Variants in CHEK1 observed in about 807,000 individuals in gnomAD.
CHEK1 encodes the protein checkpoint kinase 1.
A neutral mutation model predicts 60.2 loss-of-function variants in CHEK1; 32 were observed. That is an observed-to-expected ratio of 0.53 (90% confidence interval 0.40 to 0.71). CHEK1 has a LOEUF of 0.71. CHEK1 is among the 30% of genes least tolerant of loss of function. The pLI, the probability that CHEK1 is intolerant of heterozygous loss-of-function variation, is 0.00. For missense variants in CHEK1, 399 were observed against 564.6 expected (o/e 0.71, Z 2.97); for synonymous variants, 179 against 187.2 (o/e 0.96, Z 0.36).
chr11:125,652,591 G>T (rs1941777479), intron 11 of CHEK1, among the ~76,000 whole-genome samples: 1 of 152,194 alleles, frequency 6.6e-6, no homozygotes, highest in East Asian at 1.9e-4. Flanking sequence ...TGATAGATTG[G>T]GTTGGGGACA....
At position 125,627,720 on chromosome 11, in the gene CHEK1, A is replaced by G; in HGVS notation, c.179A>G (p.Lys60Arg). The change falls in exon 3 of 13, where the codon AAA (lysine) becomes AGA (arginine). Residue 60 changes from lysine to arginine, a missense_variant. By Grantham distance (26) the Lys-to-Arg change is conservative. Around this residue, in one of 2 missense-constraint regions of CHEK1, gnomAD observed 370 missense variants for 494.8 expected, o/e 0.75. Transcript: ENST00000438015. The part of the protein sequence containing the change: ...ENIKKEICIN[K>R]MLNHENVVKF... ...ATTAAGAAAGAGATCTGTATCAATA[A>G]AATGCTAAATCATGAAAATGTAGTA... The G allele has an allele frequency of 6.2e-7, 1 of 1,613,868 alleles. No homozygotes were observed. Among genetic ancestry groups the G allele is most frequent in the South Asian group, 1.1e-5 (1 of 91,070 alleles).
At chr11:125,657,899 G>A (rs1941948568), downstream of CHEK1, among the ~76,000 whole-genome samples, 1 of 134,668 alleles carries the variant, frequency 7.4e-6, no homozygotes, top group East Asian at 2.4e-4. Context: ...TTTCTAAAGT[G>A]ATTGTACAGA....
intron 11 of CHEK1, among the ~76,000 whole-genome samples, chr11:125,649,126 T>C (rs1440569630): frequency 1.3e-5 from 2 of 152,184 alleles, no homozygotes; most frequent in African/African-American, 4.8e-5. Flanking sequence ...TTCATCAGTC[T>C]GTTTATTTTG....
chr11:125,653,900 T>C lies in CHEK1; in HGVS notation c.1335+53T>C. ...CTATGGAAATATTTCTATATGAATT[T>C]TTTTAATGGCATTATGTTTGTATAT... On this transcript the variant is annotated intron_variant, in intron 12 of 12. Transcript: ENST00000438015. This position sits in a 1 kb window ranked among gnomAD's most constrained non-coding sequence, Gnocchi z 4.3. 9.3e-7 allele frequency: 1 copy of C among 1,079,670 alleles called. No homozygotes were observed. Among genetic ancestry groups the C allele is most frequent in the Non-Finnish European group, 1.4e-6 (1 of 738,648 alleles). 66.9% of individuals were successfully genotyped at this position (1,079,670 alleles called of 1,614,324 possible).
intron 1 of CHEK1, 51 bp from the exon 2 acceptor site, chr11:125,626,698 T>C: frequency 6.4e-7 from 1 of 1,564,726 alleles, no homozygotes; most frequent in Non-Finnish European, 8.8e-7. Context: ...CTCAGTGGCT[T>C]CACTGGTGAT....
At chr11:125,665,516 C>T (rs1357151300) in intron 13 of CHEK1, among the ~76,000 whole-genome samples, 1 of 151,882 alleles carries the variant, frequency 6.6e-6, no homozygotes, top group African/African-American at 2.4e-5. Flanking sequence ...GATAGGATTC[C>T]CTCCTCTTCA....
chr11:125,678,729 A>C (rs1942639520), downstream of CHEK1, among the ~76,000 whole-genome samples: 1 of 152,000 alleles, frequency 6.6e-6, no homozygotes, highest in Non-Finnish European at 1.5e-5. Context: ...TAGAGATAGA[A>C]GAGGGAGAGA....
intron 1 of CHEK1, 147 bp from the exon 2 acceptor site, chr11:125,626,602 T>G: frequency 1.5e-6 from 1 of 673,774 alleles, no homozygotes; most frequent in African/African-American, 1.8e-5. Flanking sequence ...TTGTTCGTGG[T>G]TGAAAGACTT....
intron 13 of CHEK1, among the ~76,000 whole-genome samples, chr11:125,667,768 A>G (rs1262342920): frequency 6.6e-6 from 1 of 152,010 alleles, no homozygotes; most frequent in East Asian, 1.9e-4. Context: ...TTACAGGTGC[A>G]TGCCACCACG....
intron 5 of CHEK1, among the ~76,000 whole-genome samples, 166 bp downstream of exon 5, chr11:125,629,626 C>G (rs1940782420): frequency 6.6e-6 from 1 of 152,068 alleles, no homozygotes; most frequent in African/African-American, 2.4e-5. Flanking sequence ...TTGGAGACTT[C>G]GTATATTTGG....
Position 125,655,342 on chromosome 11 carries a change from A to T in CHEK1, c.*22A>T, listed in dbSNP as rs375887872. ...ATGATCGGACCATCGGCTCTGGGGA[A>T]TCCTGGTGAATATAGTGCTGCTATG... On this transcript the variant is annotated 3_prime_UTR_variant, in exon 13 of 13. Transcript: ENST00000438015. 1.5e-5 allele frequency: 23 copies of T among 1,508,708 alleles called. No homozygotes were observed. The African/African-American group carries it at 2.9e-4, about 19-fold the overall frequency. 93.5% of individuals were successfully genotyped at this position (1,508,708 alleles called of 1,614,324 possible).
chr11:125,659,240 C>CT (rs1363925221), downstream of CHEK1, among the ~76,000 whole-genome samples: 1 of 151,858 alleles, frequency 6.6e-6, no homozygotes, highest in Non-Finnish European at 1.5e-5. Flanking sequence ...CGATTGATGT[C>CT]TTTTAAGTTG....
intron 7 of CHEK1, 41 bp from the exon 8 acceptor site, chr11:125,637,408 C>A: frequency 6.5e-7 from 1 of 1,537,374 alleles, no homozygotes; most frequent in South Asian, 1.2e-5. Context: ...GCTTCTCTAA[C>A]ATGATTCTTT....
chr11:125,630,063 G>C (rs910312743), intron 5 of CHEK1, among the ~76,000 whole-genome samples: 4 of 152,066 alleles, frequency 2.6e-5, no homozygotes, highest in African/African-American at 9.7e-5. Flanking sequence ...ATTAATAAAG[G>C]GAAGTTCCTG....
downstream of CHEK1, chr11:125,677,699 C>T: frequency 6.7e-7 from 1 of 1,498,284 alleles, no homozygotes; most frequent in Non-Finnish European, 9.1e-7. Context: ...GTTAACAATT[C>T]TTTCTTCTGC....
chr11:125,647,830 CAA>C (rs560564874), intron 11 of CHEK1, among the ~76,000 whole-genome samples: 1 of 152,110 alleles, frequency 6.6e-6, no homozygotes, highest in Non-Finnish European at 1.5e-5. Flanking sequence ...GTGCATGAAA[CAA>C]AGTTTGTACA....
intron 5 of CHEK1, among the ~76,000 whole-genome samples, chr11:125,630,004 G>A (rs191144385): frequency 4.6e-4 from 70 of 152,014 alleles, no homozygotes; most frequent in African/African-American, 1.6e-3. Context: ...GATTATAGAC[G>A]TGAGCCACCA....
intron 2 of CHEK1, among the ~76,000 whole-genome samples, chr11:125,627,034 G>A (rs1389468774): frequency 2.6e-5 from 4 of 152,126 alleles, no homozygotes; most frequent in South Asian, 2.1e-4. Flanking sequence ...GAAGGGACAC[G>A]AAGTTATTGT....
chr11:125,645,857 G>A (rs1014096738), intron 11 of CHEK1, among the ~76,000 whole-genome samples: 3 of 151,974 alleles, frequency 2.0e-5, no homozygotes, highest in African/African-American at 4.8e-5. Flanking sequence ...CTGTAGATTC[G>A]AGTTTTCAAA....
Sources: gnomAD v4.1 joint callset for allele counts (sites outside exome capture counted in the v4.1 genomes callset) on GRCh38, gnomAD v4.1.1 for gene constraint, gnomAD v4.1.1 regional missense constraint, Gnocchi (gnomAD v3.1) non-coding constraint, MANE v1.5 for transcripts, NCBI Gene and HGNC (gene_info 2026-07-23, HGNC 2026-07-21) for gene names.